SMIM14: variants seen among roughly 807,000 people sequenced by gnomAD.
SMIM14 encodes chromosome 4 open reading frame 34.
Under a neutral mutation model 12.6 loss-of-function variants are expected in SMIM14, and 5 were observed. The ratio of observed to expected loss-of-function variants is 0.40; its 90% CI spans 0.21 to 0.83. The LOEUF is 0.83. Among genes scored for constraint, SMIM14 ranks in the 40% least tolerant of loss-of-function variants. The pLI is 0.37. For synonymous variants in SMIM14, 30 were observed against 40.1 expected (o/e 0.75, Z 0.95); for missense variants, 86 against 119.1 (o/e 0.72, Z 1.29).
intron 3 of SMIM14, among the ~76,000 whole-genome samples, chr4:39,564,450 C>T (rs779442489): frequency 2.4e-4 from 37 of 152,084 alleles, no homozygotes; most frequent in African/African-American, 7.2e-4. Flanking sequence ...AAATGCTTAT[C>T]GGAACATTTC....
chr4:39,627,158 C>T (rs1715734550), intron 1 of SMIM14, among the ~76,000 whole-genome samples: 1 of 152,210 alleles, frequency 6.6e-6, no homozygotes, highest in Admixed American at 6.5e-5. Flanking sequence ...TATAAGGGCA[C>T]TACTCCTCAT....
chr4:39,634,956 G>T (rs1716037293), intron 1 of SMIM14, among the ~76,000 whole-genome samples: 1 of 152,180 alleles, frequency 6.6e-6, no homozygotes, highest in Non-Finnish European at 1.5e-5. Context: ...GACAGACAAG[G>T]TTCCATATTC....
In SMIM14 at chr4:39,636,680, A is replaced by C. The variant is rs190051040; in HGVS notation, c.-36+2059T>G. Among the ~76,000 whole-genome samples the C allele has an allele frequency of 3.9e-4, 56 of 143,170 alleles. No homozygotes were observed. In the East Asian group the frequency reaches 9.8e-3, roughly 25 times the overall value. 93.9% of individuals were successfully genotyped at this position (143,170 alleles called of 152,430 possible). A position where few individuals can be genotyped will look rare whatever the true frequency, so the allele number is the denominator to read the frequency against. On this transcript the variant is annotated intron_variant, in intron 1 of 4. Coordinates refer to ENST00000295958, the MANE Select transcript of SMIM14 (RefSeq NM_174921.3). ...ACACAGTGAGATCTCGTCTCTATTA[A>C]ATTTTAAAATTAAAAAATTATAAAA...
At chr4:39,573,155 A>C (rs575457554) in intron 2 of SMIM14, among the ~76,000 whole-genome samples, 2 of 150,598 alleles carry the variant, frequency 1.3e-5, no homozygotes, top group Non-Finnish European at 3.0e-5. Flanking sequence ...GAGTGCAATG[A>C]TGCGATCTCA....
At chr4:39,634,215 C>A (rs1716010745) in intron 1 of SMIM14, among the ~76,000 whole-genome samples, 1 of 152,220 alleles carries the variant, frequency 6.6e-6, no homozygotes, top group Admixed American at 6.5e-5. Flanking sequence ...GCATGAGCCA[C>A]CGCGCCCAGC....
At chr4:39,590,560 G>A (rs988150189) in intron 2 of SMIM14, among the ~76,000 whole-genome samples, 6 of 152,004 alleles carry the variant, frequency 3.9e-5, no homozygotes, top group Admixed American at 3.3e-4. Context: ...TCAGCACTTC[G>A]GGAGGCCAAG....
chr4:39,636,950 C>T (rs1348615268), intron 1 of SMIM14, among the ~76,000 whole-genome samples: 1 of 152,162 alleles, frequency 6.6e-6, no homozygotes, highest in African/African-American at 2.4e-5. Context: ...ACTCGGGAAA[C>T]CCCTGAAAGT....
chr4:39,562,360 G>A (rs1190577746), intron 3 of SMIM14, among the ~76,000 whole-genome samples: 4 of 151,956 alleles, frequency 2.6e-5, no homozygotes, highest in Non-Finnish European at 5.9e-5. Context: ...CAGGGTGGCA[G>A]AGACAGACCC....
chr4:39,610,709 A>C (rs1280324272), intron 1 of SMIM14, among the ~76,000 whole-genome samples: 2 of 152,002 alleles, frequency 1.3e-5, no homozygotes, highest in African/African-American at 4.8e-5. Context: ...AAAAAAAAAA[A>C]AAACTGAAAG....
At chr4:39,617,460 G>A (rs1395466856) in intron 1 of SMIM14, among the ~76,000 whole-genome samples, 2 of 152,026 alleles carry the variant, frequency 1.3e-5, no homozygotes, top group African/African-American at 4.8e-5. Flanking sequence ...TTAGCTCTAG[G>A]GAAAAATAAT....
At chr4:39,631,103 G>A (rs529101514) in intron 1 of SMIM14, among the ~76,000 whole-genome samples, 1 of 151,822 alleles carries the variant, frequency 6.6e-6, no homozygotes, top group East Asian at 1.9e-4. Flanking sequence ...AGGCTGAGGT[G>A]GGCAGATCAC....
intron 1 of SMIM14, among the ~76,000 whole-genome samples, chr4:39,614,181 A>G (rs1396131150): frequency 3.2e-5 from 3 of 93,284 alleles, no homozygotes; most frequent in African/African-American, 4.9e-5. Flanking sequence ...GCGAAACTCC[A>G]TTACAAAAAA....
At chr4:39,588,012 C>T (rs1017816310) in intron 2 of SMIM14, 1 of 152,204 alleles carries the variant, frequency 6.6e-6, no homozygotes, top group Admixed American at 6.6e-5. Context: ...TTCTAACTGA[C>T]AATACTAGCT....
chr4:39,581,874 T>C (rs1713524636), intron 2 of SMIM14, among the ~76,000 whole-genome samples: 1 of 105,194 alleles, frequency 9.5e-6, no homozygotes, highest in East Asian at 4.1e-4. Flanking sequence ...ATGTCTTTTC[T>C]TTTTTTTTTT....
At chr4:39,635,572 T>A (rs1716057846) in intron 1 of SMIM14, among the ~76,000 whole-genome samples, 1 of 151,978 alleles carries the variant, frequency 6.6e-6, no homozygotes, top group Non-Finnish European at 1.5e-5. Context: ...AGTGGACAAA[T>A]TTAGAATACA....
rs148121898 is a variant in SMIM14, at chr4:39,568,090, C to T, written c.124+4325G>A. ...GTCAGGAGTTTGAGATCAGCCTGGCCAACATGGCGAAACCCTATCTCTACT... is the reference window on the plus strand; with the variant it reads ...GTCAGGAGTTTGAGATCAGCCTGGCTAACATGGCGAAACCCTATCTCTACT... On this transcript the variant is annotated intron_variant, in intron 3 of 4. Coordinates refer to ENST00000295958, the MANE Select transcript of SMIM14 (RefSeq NM_174921.3). 3.5e-4 allele frequency among the ~76,000 whole-genome samples: 53 copies of T among 152,114 alleles called. 1 individual carries two copies. The highest frequency in any genetic ancestry group is 1.3e-3 in the African/African-American group (52 of 41,518).
chr4:39,614,185 CAAAAA>C (rs60332502), intron 1 of SMIM14, among the ~76,000 whole-genome samples: 1 of 102,264 alleles, frequency 9.8e-6, no homozygotes. Flanking sequence ...AACTCCATTA[CAAAAA>C]AAAAAAAAAA....
chr4:39,615,330 C>T lies in SMIM14; in HGVS notation c.-35-10150G>A, dbSNP rs564068941. Among the ~76,000 whole-genome samples, 40 of 151,938 alleles carry T rather than the reference C, an allele frequency of 2.6e-4. No individual in the cohort carries two copies. The South Asian group carries it at 8.1e-3, about 31-fold the overall frequency. ...CTTTTCTGTAAGTCTAAATTTATCC[C>T]AAAATAAAAATATTTACTTAAAAAA... On this transcript the variant is annotated intron_variant, in intron 1 of 4. Coordinates refer to ENST00000295958, the MANE Select transcript of SMIM14 (RefSeq NM_174921.3).
chr4:39,567,270 T>G (rs1187144023), intron 3 of SMIM14, among the ~76,000 whole-genome samples: 2 of 151,604 alleles, frequency 1.3e-5, no homozygotes, highest in African/African-American at 4.9e-5. Flanking sequence ...AGATTACAAC[T>G]TTATCAGGAA....
Sources: gnomAD v4.1 joint callset for allele counts (sites outside exome capture counted in the v4.1 genomes callset) on GRCh38, gnomAD v4.1.1 for gene constraint, MANE v1.5 for transcripts, NCBI Gene and HGNC (gene_info 2026-07-23, HGNC 2026-07-21) for gene names.